Variants in AIRE observed in about 807,000 individuals in gnomAD.
AIRE encodes autoimmune polyendocrinopathy candidiasis ectodermal dystrophy protein.
Under a neutral mutation model 62.1 loss-of-function variants are expected in AIRE, and 52 were observed. The ratio of observed to expected loss-of-function variants is 0.84; its 90% confidence interval spans 0.67 to 1.06. The LOEUF is 1.06. Among genes scored for constraint, AIRE ranks in the 50% least tolerant of loss-of-function variants. AIRE has a pLI of 0.00. For missense variants in AIRE, 774 were observed against 755.8 expected (o/e 1.02, Z -0.28); for synonymous variants, 342 against 321.6 (o/e 1.06, Z -0.68).
Position 44,287,458 on chromosome 21 carries a change from C to T in AIRE, c.464-59C>T. 1.6e-6 allele frequency: 2 copies of T among 1,281,332 alleles called. No homozygotes were observed. The highest frequency in any genetic ancestry group is 2.2e-6 in the Non-Finnish European group (2 of 903,792). 79.4% of individuals were successfully genotyped at this position (1,281,332 alleles called of 1,614,324 possible). A position where few individuals can be genotyped will look rare whatever the true frequency, so the allele number is the denominator to read the frequency against. ...CGCCCTCCCACCGCGGGCCCCTGCC[C>T]ACCGGCACTCACCCCCACTGAGAGG... On this transcript the variant is annotated intron_variant, in intron 3 of 13. Coordinates refer to ENST00000291582, the MANE Select transcript of AIRE (RefSeq NM_000383.4). The surrounding 1 kb of genome is among the most constrained non-coding windows in gnomAD (Gnocchi z 4.3).
Position 44,286,462 on chromosome 21 carries a change from C to A in AIRE, c.133-95C>A. 7.1e-7 allele frequency: 1 copy of A among 1,405,720 alleles called. No individual in the cohort carries two copies. Among genetic ancestry groups the A allele is most frequent in the Non-Finnish European group, 9.7e-7 (1 of 1,027,150 alleles). 87.1% of individuals were successfully genotyped at this position (1,405,720 alleles called of 1,614,324 possible). On this transcript the variant is annotated intron_variant, in intron 1 of 13. Coordinates refer to ENST00000291582, the MANE Select transcript of AIRE (RefSeq NM_000383.4). This position sits in a 1 kb window ranked among gnomAD's most constrained non-coding sequence, Gnocchi z 6.0. ...GGAGCTGTCCAGGTCGCCAGCGCCT[C>A]TGCCTGGGAGCTCCACCCTCTAGTC...
chr21:44,292,225 A>C (rs989713200), intron 8 of AIRE, 77 bp from the exon 9 acceptor site: 5 of 1,160,576 alleles, frequency 4.3e-6, no homozygotes, highest in Middle Eastern at 3.8e-4. Flanking sequence ...GGAGCCCTGG[A>C]GCTCCACCCG....
At position 44,291,087 on chromosome 21, in the gene AIRE, T is replaced by C; in HGVS notation, c.880-8T>C. 1 of 1,613,092 alleles carries C rather than the reference T, an allele frequency of 6.2e-7. No individual in the cohort carries two copies. The highest frequency in any genetic ancestry group is 8.5e-7 in the Non-Finnish European group (1 of 1,179,784). ...CCAGTCTGCATGGGCGTCTCTTGCC[T>C]GTGCCAGAAGAATGAGGACGAGTGT... On this transcript the variant is annotated splice_region_variant and splice_polypyrimidine_tract_variant and intron_variant, in intron 7 of 13. Coordinates refer to ENST00000291582, the MANE Select transcript of AIRE (RefSeq NM_000383.4).
At position 44,298,288 on chromosome 21, in the gene AIRE, C is replaced by T. The variant is rs77358569; in HGVS notation, c.*561C>T. 1,288 of 176,390 alleles carry T rather than the reference C, an allele frequency of 7.3e-3. 22 individuals carry two copies. Among genetic ancestry groups the T allele is most frequent in the African/African-American group, 0.029 (1,205 of 41,936 alleles). The allele number at this position is 176,390 out of a possible 1,614,324, so 10.9% of individuals were successfully genotyped here. On this transcript the variant is annotated 3_prime_UTR_variant, in exon 14 of 14. Transcript: ENST00000291582. Reference sequence around the variant, plus strand: ...GGAAACTCTGGCCCCATGAAACACTCACTCCCCATTCCCCTCCCAACCCCT... The same window carrying T: ...GGAAACTCTGGCCCCATGAAACACTTACTCCCCATTCCCCTCCCAACCCCT...
At position 44,286,158 on chromosome 21, in the gene AIRE, C is replaced by G. The variant is rs2040479632; in HGVS notation, c.132+20C>G. 1 of 1,540,222 alleles carries G rather than the reference C, an allele frequency of 6.5e-7. No individual in the cohort carries two copies. The highest frequency in any genetic ancestry group is 1.4e-5 in the African/African-American group (1 of 72,742). On this transcript the variant is annotated intron_variant, in intron 1 of 13. Coordinates refer to ENST00000291582, the MANE Select transcript of AIRE (RefSeq NM_000383.4). This position sits in a 1 kb window ranked among gnomAD's most constrained non-coding sequence, Gnocchi z 6.0. ...TTTCAGGTGGGCTCCCCGCCCGCCC[C>G]CCGCTGCCCCCAGGCCCTGTGAGCC...
intron 12 of AIRE, among the ~76,000 whole-genome samples, chr21:44,295,243 C>T (rs2040593827): frequency 6.6e-6 from 1 of 152,206 alleles, no homozygotes; most frequent in African/African-American, 2.4e-5. Context: ...TGCCTCCGCC[C>T]CGTATACACC....
Position 44,287,541 on chromosome 21 carries a change from C to T in AIRE, c.488C>T (p.Pro163Leu), listed in dbSNP as rs771592755. The change falls in exon 4 of 14, where the codon CCC (proline) becomes CTC (leucine). Residue 163 changes from proline to leucine, a missense_variant. Coordinates refer to ENST00000291582, the MANE Select transcript of AIRE (RefSeq NM_000383.4). The surrounding 1 kb of genome is among the most constrained non-coding windows in gnomAD (Gnocchi z 4.3). ...GGCTCTCAACTGAAGGCCAAGCCCC[C>T]CAAGAAGCCGGAGAGCAGCGCAGAG... is the stretch of plus-strand genomic sequence containing the variant. ...SPGSQLKAKP[P>L]KKPESSAEQQ... 5.1e-6 allele frequency: 8 copies of T among 1,558,474 alleles called. No individual in the cohort carries two copies. Among genetic ancestry groups the T allele is most frequent in the East Asian group, 2.4e-5 (1 of 41,958 alleles).
Position 44,293,921 on chromosome 21 carries a change from G to A in AIRE, c.1400+11G>A, listed in dbSNP as rs756430893. 1.0e-5 allele frequency: 16 copies of A among 1,595,964 alleles called. 1 individual carries two copies. Among genetic ancestry groups the A allele is most frequent in the South Asian group, 5.5e-5 (5 of 90,966 alleles). ...CACCTCCCGGCCCGGGTGAGTGAGCGTGGTCGGCGGGGAGGCCTGAACCCA... is the reference window on the plus strand; with the variant it reads ...CACCTCCCGGCCCGGGTGAGTGAGCATGGTCGGCGGGGAGGCCTGAACCCA... On this transcript the variant is annotated intron_variant, in intron 11 of 13. Coordinates refer to ENST00000291582, the MANE Select transcript of AIRE (RefSeq NM_000383.4).
At chr21:44,289,621 GCGGGTGA>G in intron 5 of AIRE, 29 bp from the exon 6 acceptor site, 1 of 1,611,986 alleles carries the variant, frequency 6.2e-7, no homozygotes. Context: ...GTCCTGCTGG[GCGGGTGA>G]GCCAGGACCA....
Position 44,292,487 on chromosome 21 carries a change from C to T in AIRE, c.1095+86C>T, listed in dbSNP as rs527831122. The T allele has an allele frequency of 6.3e-4, 579 of 916,480 alleles. 3 individuals carry two copies. Among genetic ancestry groups the T allele is most frequent in the Middle Eastern group, 1.3e-3 (4 of 3,114 alleles). The allele number at this position is 916,480 out of a possible 1,614,324, so 56.8% of individuals were successfully genotyped here. ...CTAGGCTGGGCCACCCCCTCCTGTC[C>T]GTCTGTCCCCTGGAGTCCTGTGGGA... is the stretch of plus-strand genomic sequence containing the variant. On this transcript the variant is annotated intron_variant, in intron 9 of 13. Transcript: ENST00000291582.
chr21:44,296,154 A>G (rs1010737849), intron 12 of AIRE, among the ~76,000 whole-genome samples: 4 of 151,978 alleles, frequency 2.6e-5, no homozygotes, highest in Non-Finnish European at 5.9e-5. Flanking sequence ...CACAGTGTGG[A>G]GGCTGTCTGG....
chr21:44,293,308 TG>T, intron 10 of AIRE, 133 bp downstream of exon 10: 3 of 79,620 alleles, frequency 3.8e-5, no homozygotes, highest in South Asian at 2.6e-4. Context: ...CCTGGGGCTG[TG>T]GGGGGAGCGT....
At chr21:44,288,542 G>T in intron 5 of AIRE, 84 bp downstream of exon 5, 1 of 1,021,106 alleles carries the variant, frequency 9.8e-7, no homozygotes, top group East Asian at 2.4e-5. Context: ...TTGCATCCTG[G>T]TGGTCCCACA....
intron 12 of AIRE, among the ~76,000 whole-genome samples, chr21:44,295,821 C>G (rs1601971690): frequency 6.6e-6 from 1 of 152,128 alleles, no homozygotes; most frequent in South Asian, 2.1e-4. Flanking sequence ...CGGGCAGCCC[C>G]TCCCTCAGCC....
chr21:44,292,876 G>T, intron 9 of AIRE, 117 bp from the exon 10 acceptor site: 1 of 876,188 alleles, frequency 1.1e-6, no homozygotes, highest in Non-Finnish European at 1.9e-6. Context: ...CCCCCACCAT[G>T]CCAGGCCTCT....
At chr21:44,288,289 T>C (rs1601965602) in intron 4 of AIRE, 56 bp from the exon 5 acceptor site, 23 of 1,351,944 alleles carry the variant, frequency 1.7e-5, no homozygotes, top group Admixed American at 3.4e-5. Flanking sequence ...GCATAGAGTA[T>C]GTGCTTGGGA....
chr21:44,290,857 A>G (rs1212324931), intron 7 of AIRE: 18 of 1,599,046 alleles, frequency 1.1e-5, no homozygotes, highest in Non-Finnish European at 1.5e-5. Context: ...AGCCTGCAAG[A>G]AACCGGGTTT....
intron 6 of AIRE, 83 bp downstream of exon 6, chr21:44,289,885 TGCTGGGG>T (rs2040518848): frequency 6.2e-7 from 1 of 1,607,174 alleles, no homozygotes; most frequent in African/African-American, 1.3e-5. Flanking sequence ...GGAGTGGCTC[TGCTGGGG>T]GCTGGGGGCT....
Position 44,287,022 on chromosome 21 carries a change from G to A in AIRE, c.352G>A (p.Val118Ile), listed in dbSNP as rs370599883. 56 of 1,612,666 alleles carry A rather than the reference G, an allele frequency of 3.5e-5. No individual in the cohort carries two copies. Among genetic ancestry groups the A allele is most frequent in the South Asian group, 7.7e-5 (7 of 91,088 alleles). The change falls in exon 3 of 14, where the codon GTC becomes ATC. Residue 118 changes from valine (V) to isoleucine (I), a missense_variant. By Grantham distance (29) the Val-to-Ile change is conservative (BLOSUM62 3). Coordinates refer to ENST00000291582, the MANE Select transcript of AIRE (RefSeq NM_000383.4). The surrounding 1 kb of genome is among the most constrained non-coding windows in gnomAD (Gnocchi z 4.3). ...CCGGAAGGGGAGGAAGCCCCCGGCCGTCCCCAAGGCTTTGGTACCGCCACC... is the reference window on the plus strand; with the variant it reads ...CCGGAAGGGGAGGAAGCCCCCGGCCATCCCCAAGGCTTTGGTACCGCCACC... ...QPRKGRKPPA[V>I]PKALVPPPRL... is the part of the protein sequence containing the mutation.
Sources: allele counts gnomAD v4.1 joint callset (sites outside exome capture counted in the v4.1 genomes callset), GRCh38; gene constraint gnomAD v4.1.1; non-coding constraint Gnocchi (gnomAD v3.1); transcripts MANE v1.5; gene names NCBI Gene and HGNC (gene_info 2026-07-23, HGNC 2026-07-21).